Variants in WASF2 observed in about 807,000 individuals in gnomAD.
WASF2 encodes actin-binding protein WASF2.
In WASF2, 14 loss-of-function variants were observed where a neutral mutation model predicts 45.0. The ratio of observed to expected loss-of-function variants is 0.31; its 90% CI spans 0.21 to 0.49. The LOEUF (loss-of-function observed/expected upper bound fraction) is 0.49, where lower values mean the gene tolerates loss of function less well. Ranked by LOEUF, WASF2 falls within the 20% of genes least tolerant of loss-of-function variation. The pLI, the probability that WASF2 is intolerant of heterozygous loss-of-function variation, is 0.99. For synonymous variants in WASF2, 200 were observed against 236.3 expected (o/e 0.85, Z 1.41); for missense variants, 439 against 636.1 (o/e 0.69, Z 3.33).
intron 1 of WASF2, among the ~76,000 whole-genome samples, chr1:27,487,153 T>G (rs1305618532): frequency 1.4e-5 from 2 of 146,884 alleles, no homozygotes; most frequent in South Asian, 2.1e-4. Context: ...CATGCTGGAG[T>G]GCAGTGGTGC....
intron 1 of WASF2, among the ~76,000 whole-genome samples, chr1:27,441,169 C>CT (rs1340184003): frequency 6.6e-6 from 1 of 151,930 alleles, no homozygotes; most frequent in Non-Finnish European, 1.5e-5. Context: ...TGCCCAGCCC[C>CT]TTTTCTATGT....
At chr1:27,467,695 G>A (rs1237367291) in intron 1 of WASF2, among the ~76,000 whole-genome samples, 14 of 151,304 alleles carry the variant, frequency 9.3e-5, no homozygotes, top group Admixed American at 8.5e-4. Context: ...GGCGGATCAC[G>A]AGGTCAGGAG....
intron 1 of WASF2, among the ~76,000 whole-genome samples, chr1:27,444,753 T>C (rs1471242769): frequency 6.6e-6 from 1 of 152,198 alleles, no homozygotes; most frequent in East Asian, 1.9e-4. Flanking sequence ...GTATCAGTCT[T>C]CCCAATCACA....
At chr1:27,420,059 C>T (rs2016885067) in intron 2 of WASF2, among the ~76,000 whole-genome samples, 2 of 152,082 alleles carry the variant, frequency 1.3e-5, no homozygotes, top group Admixed American at 1.3e-4. Flanking sequence ...TGCGCACCAC[C>T]ATGCCAAACT....
chr1:27,431,229 T>C lies in WASF2; in HGVS notation c.-43-2296A>G, dbSNP rs186348376. Among the ~76,000 whole-genome samples, 3 of 152,328 alleles carry C rather than the reference T, an allele frequency of 2.0e-5. No individual in the cohort carries two copies. In the East Asian group the frequency reaches 5.8e-4, roughly 29 times the overall value. ...ACTTGTCTACTGTCTAAGGAAATGA[T>C]TTCCATTCCACTTCTCTGCTGAATT... On this transcript the variant is annotated intron_variant, in intron 1 of 8. Coordinates refer to ENST00000618852, the MANE Select transcript of WASF2 (RefSeq NM_006990.5).
chr1:27,478,504 G>A (rs753390029), intron 1 of WASF2, among the ~76,000 whole-genome samples: 3 of 152,160 alleles, frequency 2.0e-5, no homozygotes, highest in Non-Finnish European at 4.4e-5. Flanking sequence ...CAGAACATTG[G>A]TTGCCTATAA....
intron 5 of WASF2, among the ~76,000 whole-genome samples, chr1:27,415,655 G>C (rs1456154543): frequency 6.6e-6 from 1 of 152,184 alleles, no homozygotes; most frequent in African/African-American, 2.4e-5. Context: ...TGCAAAACTA[G>C]TGGAGAAGGG....
intron 1 of WASF2, among the ~76,000 whole-genome samples, chr1:27,474,931 G>A (rs900728097): frequency 1.3e-5 from 2 of 151,912 alleles, no homozygotes; most frequent in African/African-American, 4.8e-5. Context: ...CAGCCTAGGT[G>A]ACAGAGTGGG....
chr1:27,422,972 C>T (rs534966080), intron 2 of WASF2, among the ~76,000 whole-genome samples: 4 of 152,028 alleles, frequency 2.6e-5, no homozygotes, highest in Non-Finnish European at 5.9e-5. Flanking sequence ...AACCCTGTCT[C>T]TACTAAAAAT....
intron 1 of WASF2, among the ~76,000 whole-genome samples, 186 bp from the exon 2 acceptor site, chr1:27,429,119 G>C (rs2017027732): frequency 1.4e-5 from 2 of 145,076 alleles, no homozygotes; most frequent in African/African-American, 5.2e-5. Flanking sequence ...CCCTTTTTAA[G>C]GTTTGCTATT....
intron 2 of WASF2, among the ~76,000 whole-genome samples, chr1:27,427,396 A>AT (rs1187548531): frequency 6.6e-6 from 1 of 152,206 alleles, no homozygotes; most frequent in Admixed American, 6.5e-5. Flanking sequence ...TGTGTGATTG[A>AT]TTGACTTCCA....
intron 1 of WASF2, among the ~76,000 whole-genome samples, chr1:27,481,825 A>T (rs1257185347): frequency 6.6e-6 from 1 of 152,262 alleles, no homozygotes; most frequent in Non-Finnish European, 1.5e-5. Flanking sequence ...TACCAGAAAG[A>T]AAAACAGAGC....
At chr1:27,481,991 A>G (rs1465230337) in intron 1 of WASF2, among the ~76,000 whole-genome samples, 1 of 152,180 alleles carries the variant, frequency 6.6e-6, no homozygotes, top group African/African-American at 2.4e-5. Context: ...TCTTGTTTCT[A>G]TTCTTCTCTT....
chr1:27,421,354 A>C (rs2016905855), intron 2 of WASF2, among the ~76,000 whole-genome samples: 1 of 152,252 alleles, frequency 6.6e-6, no homozygotes, highest in Non-Finnish European at 1.5e-5. Context: ...TTATGTGTGG[A>C]AAACAAACCA....
At position 27,487,651 on chromosome 1, in the gene WASF2, T is replaced by TTG. The variant is rs1557626695; in HGVS notation, c.-44+2334_-44+2335insCA. Among the ~76,000 whole-genome samples, 3 of 96,766 alleles carry TTG rather than the reference T, an allele frequency of 3.1e-5. 1 individual carries two copies. The highest frequency in any genetic ancestry group is 1.3e-4 in the African/African-American group (3 of 23,184). The allele number at this position is 96,766 out of a possible 152,430, so 63.5% of individuals were successfully genotyped here. A position where few individuals can be genotyped will look rare whatever the true frequency, so the allele number is the denominator to read the frequency against. ...TACAATATATAATATATATTATATA[T>TTG]TATATAATATATATTATATATATTT... On this transcript the variant is annotated intron_variant, in intron 1 of 8. Transcript: ENST00000618852.
At chr1:27,476,527 A>G (rs774128751) in intron 1 of WASF2, among the ~76,000 whole-genome samples, 2 of 152,198 alleles carry the variant, frequency 1.3e-5, no homozygotes, top group African/African-American at 4.8e-5. Flanking sequence ...CATGAGATTT[A>G]GAGAGGATAC....
At chr1:27,472,650 CAAAA>C (rs1206351562) in intron 1 of WASF2, among the ~76,000 whole-genome samples, 134 of 59,232 alleles carry the variant, frequency 2.3e-3, no homozygotes, top group African/African-American at 8.4e-3. Flanking sequence ...ACCCCGTCTC[CAAAA>C]AAAAAAAAAA....
chr1:27,431,539 T>A (rs1022506580), intron 1 of WASF2, among the ~76,000 whole-genome samples: 26 of 152,346 alleles, frequency 1.7e-4, no homozygotes, highest in Non-Finnish European at 3.8e-4. Flanking sequence ...ACAGCCACTG[T>A]GGCTCTTCCA....
At chr1:27,471,537 A>T (rs558695774) in intron 1 of WASF2, among the ~76,000 whole-genome samples, 1 of 152,100 alleles carries the variant, frequency 6.6e-6, no homozygotes, top group East Asian at 1.9e-4. Flanking sequence ...CTGAGGTGGG[A>T]GGCTCACTTC....
Sources: gnomAD v4.1 joint callset for allele counts (sites outside exome capture counted in the v4.1 genomes callset) on GRCh38, gnomAD v4.1.1 for gene constraint, MANE v1.5 for transcripts, NCBI Gene and HGNC (gene_info 2026-07-23, HGNC 2026-07-21) for gene names.